The following NSUN6 variants were observed in gnomAD, a reference collection of about 807,000 sequenced individuals.
NSUN6 encodes tRNA (cytosine(72)-C(5))-methyltransferase NSUN6.
In NSUN6, 64 loss-of-function variants were observed where a neutral mutation model predicts 58.0. That is an observed-to-expected ratio of 1.10 (90% CI 0.90 to 1.36). The LOEUF (loss-of-function observed/expected upper bound fraction) is 1.36. Ranked by LOEUF, NSUN6 falls within the 40% of genes most tolerant of loss-of-function variation. The pLI is 0.00. For missense variants in NSUN6, 701 were observed against 550.1 expected (o/e 1.27, Z -2.74); for synonymous variants, 231 against 193.9 (o/e 1.19, Z -1.59).
intron 6 of NSUN6, among the ~76,000 whole-genome samples, chr10:18,598,044 G>C (rs940018706): frequency 1.3e-5 from 2 of 152,168 alleles, no homozygotes; most frequent in Non-Finnish European, 2.9e-5. Context: ...TGAAGCAACT[G>C]AAGATCCACA....
At chr10:18,577,793 G>C (rs1480417349) in intron 8 of NSUN6, among the ~76,000 whole-genome samples, 2 of 152,064 alleles carry the variant, frequency 1.3e-5, no homozygotes, top group African/African-American at 4.8e-5. Flanking sequence ...CTGATTACCT[G>C]CTCCTCCCTG....
At chr10:18,630,986 T>C (rs1277123101) in intron 3 of NSUN6, among the ~76,000 whole-genome samples, 2 of 150,096 alleles carry the variant, frequency 1.3e-5, no homozygotes, top group East Asian at 2.0e-4. Flanking sequence ...TTGATGAACA[T>C]TGATGCAAAA....
intron 6 of NSUN6, among the ~76,000 whole-genome samples, chr10:18,598,780 T>A (rs7894016): frequency 6.6e-6 from 1 of 151,992 alleles, no homozygotes; most frequent in Non-Finnish European, 1.5e-5. Context: ...GTTTTATTTA[T>A]TACAAAAATA....
At chr10:18,600,363 G>A (rs910723377) in intron 6 of NSUN6, among the ~76,000 whole-genome samples, 4 of 152,176 alleles carry the variant, frequency 2.6e-5, no homozygotes, top group African/African-American at 9.7e-5. Context: ...GGTGGCTCAT[G>A]CCTGTAATCC....
intron 3 of NSUN6, among the ~76,000 whole-genome samples, chr10:18,636,564 C>A (rs12774519): frequency 1.3e-5 from 2 of 151,716 alleles, no homozygotes; most frequent in African/African-American, 2.4e-5. Flanking sequence ...AATTTAACTC[C>A]AGGAACCTCC....
At chr10:18,574,847 G>A (rs1448291565) in intron 8 of NSUN6, among the ~76,000 whole-genome samples, 12 of 152,084 alleles carry the variant, frequency 7.9e-5, no homozygotes, top group Admixed American at 7.9e-4. Context: ...TCAGTTGCCA[G>A]AGGAAACAAC....
upstream of NSUN6, chr10:18,653,263 A>T (rs2059739921): frequency 1.0e-6 from 1 of 983,688 alleles, no homozygotes; most frequent in African/African-American, 1.7e-5. Flanking sequence ...GAATGACTAA[A>T]TGAAAAGATG....
upstream of NSUN6, chr10:18,653,420 G>A: frequency 1.9e-6 from 1 of 515,398 alleles, no homozygotes; most frequent in Non-Finnish European, 2.5e-6. Context: ...CGCTCAGGCT[G>A]GAGTGCAGTG....
chr10:18,582,449 G>A (rs372533746), intron 8 of NSUN6, among the ~76,000 whole-genome samples: 2 of 152,114 alleles, frequency 1.3e-5, no homozygotes, highest in African/African-American at 4.8e-5. Context: ...AGAGGAGGCT[G>A]GGAGCTCCAT....
intron 3 of NSUN6, among the ~76,000 whole-genome samples, chr10:18,633,890 G>C (rs1376785954): frequency 2.6e-5 from 4 of 152,100 alleles, no homozygotes; most frequent in Admixed American, 6.6e-5. Context: ...CTGGAAAAAA[G>C]GTATGAGCTG....
Position 18,551,827 on chromosome 10 carries a change from G to T in NSUN6, c.1067C>A (p.Thr356Asn). ...SYQPLQRKLFTAAVQLLKPEG... is the reference protein window; with the variant it reads ...SYQPLQRKLFNAAVQLLKPEG... ...CAAAAACAGACCACCACATACTGCA[G>T]TGAAGAGTTTTCGCTGTAATGGCTG... Residue 356 changes from threonine (T) to asparagine (N), a missense_variant, in exon 9 of 11, where the codon ACT becomes AAT. Thr to Asn is a moderately conservative substitution (Grantham distance 65). Coordinates refer to ENST00000377304, the MANE Select transcript of NSUN6 (RefSeq NM_182543.5). The T allele has an allele frequency of 6.2e-7, 1 of 1,612,508 alleles. No individual in the cohort carries two copies.
At position 18,595,274 on chromosome 10, in the gene NSUN6, A is replaced by G. The variant is rs190454222; in HGVS notation, c.777+934T>C. ...CCAAAATTTTGTGTCTTCACACATCATAAAACCAACAGAAAACTGATACAC... is the reference window on the plus strand; with the variant it reads ...CCAAAATTTTGTGTCTTCACACATCGTAAAACCAACAGAAAACTGATACAC... On this transcript the variant is annotated intron_variant, in intron 7 of 10. Coordinates refer to ENST00000377304, the MANE Select transcript of NSUN6 (RefSeq NM_182543.5). Among the ~76,000 whole-genome samples the G allele has an allele frequency of 9.9e-4, 151 of 152,322 alleles. 1 individual carries two copies. The Middle Eastern group carries it at 0.017, about 17-fold the overall frequency.
At chr10:18,611,126 T>C (rs1590058433) in intron 5 of NSUN6, among the ~76,000 whole-genome samples, 1 of 151,694 alleles carries the variant, frequency 6.6e-6, no homozygotes, top group Non-Finnish European at 1.5e-5. Flanking sequence ...AACCCAGGAG[T>C]TGGAGGATGC....
At chr10:18,552,600 A>C (rs2054674896) in intron 8 of NSUN6, among the ~76,000 whole-genome samples, 1 of 151,526 alleles carries the variant, frequency 6.6e-6, no homozygotes, top group Admixed American at 6.6e-5. Flanking sequence ...ACCTGCTACC[A>C]AGATTTCCAT....
chr10:18,572,431 T>A, intron 8 of NSUN6, among the ~76,000 whole-genome samples: 1 of 142,776 alleles, frequency 7.0e-6, no homozygotes, highest in African/African-American at 3.0e-5. Flanking sequence ...CCATTCCCCA[T>A]TCCATTGTCC....
At chr10:18,658,477 T>A (rs1425198533), upstream of NSUN6, 1 of 159,040 alleles carries the variant, frequency 6.3e-6, no homozygotes, top group Admixed American at 6.6e-5. Context: ...GCTGTGAAGC[T>A]TTTCTTTTCA....
At chr10:18,588,094 G>A (rs535684717) in intron 7 of NSUN6, among the ~76,000 whole-genome samples, 1 of 152,280 alleles carries the variant, frequency 6.6e-6, no homozygotes, top group East Asian at 1.9e-4. Context: ...GTGGGCATCC[G>A]CCATTACTGA....
intron 6 of NSUN6, among the ~76,000 whole-genome samples, chr10:18,600,941 A>AAAAAATATATATAT (rs1487679670): frequency 2.3e-5 from 1 of 43,542 alleles, no homozygotes; most frequent in African/African-American, 8.0e-5. Flanking sequence ...AAAAAAAAAA[A>AAAAAATATATATAT]ATATATATAT....
chr10:18,611,457 T>C (rs2058232756), intron 5 of NSUN6, among the ~76,000 whole-genome samples: 2 of 152,070 alleles, frequency 1.3e-5, no homozygotes, highest in East Asian at 3.9e-4. Flanking sequence ...TAGAGTAAAA[T>C]AACGTCAGTA....
Sources: gnomAD v4.1 joint callset for allele counts (sites outside exome capture counted in the v4.1 genomes callset) on GRCh38, gnomAD v4.1.1 for gene constraint, MANE v1.5 for transcripts, NCBI Gene and HGNC (gene_info 2026-07-23, HGNC 2026-07-21) for gene names.